The following PXDNL variants were observed in gnomAD, a reference collection of about 807,000 sequenced individuals.
PXDNL encodes the protein peroxidasin like.
PXDNL carries 145 observed loss-of-function variants against 150.8 expected under a neutral mutation model. The observed-to-expected ratio is 0.96, with a 90% CI of 0.84 to 1.10. The LOEUF (loss-of-function observed/expected upper bound fraction) is 1.10. Among genes scored for constraint, PXDNL ranks in the 50% least tolerant of loss-of-function variants. The pLI, the probability that PXDNL is intolerant of heterozygous loss-of-function variation, is 0.00. For missense variants in PXDNL, 2,087 were observed against 1,873.9 expected (o/e 1.11, Z -2.10); for synonymous variants, 757 against 725.7 (o/e 1.04, Z -0.69).
At position 51,372,093 on chromosome 8, in the gene PXDNL, C is replaced by CG. The variant is rs1807136919; in HGVS notation, c.3693-13_3693-12insC. 6.8e-7 allele frequency: 1 copy of CG among 1,474,744 alleles called. No individual in the cohort carries two copies. Among genetic ancestry groups the CG allele is most frequent in the Non-Finnish European group, 9.1e-7 (1 of 1,101,520 alleles). 91.4% of individuals were successfully genotyped at this position (1,474,744 alleles called of 1,614,324 possible). ...TTTCATACCAGAACCTGGTAGTCAACCAAAAAAAAAACATTGTCGTGGGTC... is the reference window on the plus strand; with the variant it reads ...TTTCATACCAGAACCTGGTAGTCAACGCAAAAAAAAAACATTGTCGTGGGTC... On this transcript the variant is annotated splice_polypyrimidine_tract_variant and intron_variant, in intron 18 of 22. Transcript: ENST00000356297.
chr8:51,362,754 T>C (rs1806796031), intron 19 of PXDNL, among the ~76,000 whole-genome samples: 1 of 152,206 alleles, frequency 6.6e-6, no homozygotes, highest in African/African-American at 2.4e-5. Context: ...GAAAGAGGGA[T>C]AGTCTAAAGA....
At chr8:51,716,888 C>T (rs1332040693) in intron 1 of PXDNL, among the ~76,000 whole-genome samples, 1 of 152,158 alleles carries the variant, frequency 6.6e-6, no homozygotes, top group African/African-American at 2.4e-5. Flanking sequence ...CTAATCACTA[C>T]CCTAAGATTT....
intron 1 of PXDNL, among the ~76,000 whole-genome samples, chr8:51,716,068 A>G (rs1816610733): frequency 6.6e-6 from 1 of 152,192 alleles, no homozygotes; most frequent in Non-Finnish European, 1.5e-5. Context: ...TGTATCATGA[A>G]AAGTTACAGT....
At chr8:51,331,008 G>A (rs1214620285) in intron 21 of PXDNL, among the ~76,000 whole-genome samples, 1 of 152,142 alleles carries the variant, frequency 6.6e-6, no homozygotes, top group Non-Finnish European at 1.5e-5. Context: ...TCCGGATACT[G>A]CAGCATTGCG....
chr8:51,601,985 TA>T (rs1371312291), intron 2 of PXDNL, among the ~76,000 whole-genome samples: 1 of 152,096 alleles, frequency 6.6e-6, no homozygotes, highest in Non-Finnish European at 1.5e-5. Context: ...TTATGAAGCT[TA>T]TTTTGGTGGG....
At chr8:51,708,481 A>G (rs1816428554) in intron 1 of PXDNL, among the ~76,000 whole-genome samples, 1 of 152,210 alleles carries the variant, frequency 6.6e-6, no homozygotes, top group Non-Finnish European at 1.5e-5. Context: ...AAGAAACAGA[A>G]CCCTTATGAA....
At chr8:51,377,105 T>TACACACACACACACACACACAC (rs772419401) in intron 17 of PXDNL, among the ~76,000 whole-genome samples, 1 of 140,612 alleles carries the variant, frequency 7.1e-6, no homozygotes. Context: ...CTCTACCCTT[T>TACACACACACACACACACACAC]ACACACACAC....
chr8:51,803,838 G>C (rs997396950), intron 1 of PXDNL, among the ~76,000 whole-genome samples: 1 of 152,110 alleles, frequency 6.6e-6, no homozygotes, highest in Non-Finnish European at 1.5e-5. Context: ...AATGTACACC[G>C]TTAGCCCAAT....
intron 17 of PXDNL, among the ~76,000 whole-genome samples, chr8:51,380,745 A>G (rs893809446): frequency 5.3e-5 from 8 of 152,156 alleles, no homozygotes; most frequent in Admixed American, 5.2e-4. Context: ...GAATGCTTCT[A>G]ACAATTAATG....
intron 1 of PXDNL, among the ~76,000 whole-genome samples, chr8:51,666,166 A>C (rs1815381014): frequency 6.6e-6 from 1 of 152,094 alleles, no homozygotes; most frequent in Admixed American, 6.6e-5. Flanking sequence ...AGTGAACTGG[A>C]GTCATCATTT....
chr8:51,697,162 A>G (rs1316078553), intron 1 of PXDNL, among the ~76,000 whole-genome samples: 1 of 151,888 alleles, frequency 6.6e-6, no homozygotes, highest in East Asian at 1.9e-4. Flanking sequence ...AACTTAGCCG[A>G]GCGTGGTGGC....
intron 1 of PXDNL, among the ~76,000 whole-genome samples, chr8:51,682,889 G>T (rs1226548513): frequency 6.6e-6 from 1 of 151,940 alleles, no homozygotes; most frequent in African/African-American, 2.4e-5. Context: ...GCTGGAGTGG[G>T]AGGCTGGGAA....
chr8:51,335,682 TACACACACACAC>T (rs3040925), intron 21 of PXDNL, among the ~76,000 whole-genome samples: 8 of 137,576 alleles, frequency 5.8e-5, no homozygotes, highest in East Asian at 2.1e-4. Context: ...TTATATACCC[TACACACACACAC>T]ACACACACAC....
intron 17 of PXDNL, among the ~76,000 whole-genome samples, chr8:51,378,624 T>C (rs1387326907): frequency 2.0e-5 from 3 of 152,214 alleles, no homozygotes; most frequent in Non-Finnish European, 4.4e-5. Context: ...TTGCTGCTGC[T>C]CACTCTTTGG....
intron 3 of PXDNL, among the ~76,000 whole-genome samples, chr8:51,561,064 T>C (rs1426278034): frequency 6.6e-6 from 1 of 151,984 alleles, no homozygotes; most frequent in East Asian, 1.9e-4. Context: ...CACAATGAGC[T>C]ATCACCTCAC....
intron 18 of PXDNL, among the ~76,000 whole-genome samples, chr8:51,374,195 T>C (rs1043635913): frequency 8.5e-5 from 13 of 152,292 alleles, no homozygotes; most frequent in African/African-American, 2.6e-4. Context: ...CTCAACATCA[T>C]TGAAGGCTGC....
chr8:51,506,466 G>A (rs912622258), intron 4 of PXDNL, among the ~76,000 whole-genome samples: 2 of 141,708 alleles, frequency 1.4e-5, no homozygotes, highest in African/African-American at 5.2e-5. Context: ...GCTTGAACCA[G>A]GGATTCGGAG....
Position 51,423,813 on chromosome 8 carries a change from T to C in PXDNL, c.1639-82A>G, listed in dbSNP as rs561173206. The stretch of plus-strand genomic sequence containing the variant: ...ATTTACTTTTTAAAATGTGGGTTCA[T>C]TTATTCAACAGATATCTATTGCACG... On this transcript the variant is annotated intron_variant, in intron 13 of 22. Transcript: ENST00000356297. The C allele has an allele frequency of 6.4e-4, 839 of 1,307,694 alleles. 13 individuals are homozygous for C. In the South Asian group the frequency reaches 0.011, roughly 18 times the overall value. The allele number at this position is 1,307,694 out of a possible 1,614,324, so 81.0% of individuals were successfully genotyped here. A position where few individuals can be genotyped will look rare whatever the true frequency, so the allele number is the denominator to read the frequency against.
At chr8:51,744,076 AGG>A (rs1375733172) in intron 1 of PXDNL, among the ~76,000 whole-genome samples, 1,068 of 81,540 alleles carry the variant, frequency 0.013, 26 homozygotes, top group African/African-American at 0.021. Context: ...GAAGGAAGGA[AGG>A]AAGGAAGGAA....
Sources: gnomAD v4.1 joint callset for allele counts (sites outside exome capture counted in the v4.1 genomes callset) on GRCh38, gnomAD v4.1.1 for gene constraint, MANE v1.5 for transcripts, NCBI Gene and HGNC (gene_info 2026-07-23, HGNC 2026-07-21) for gene names.